DOC2B: variants seen among roughly 807,000 people sequenced by gnomAD.
DOC2B encodes double C2-like domain-containing protein beta.
DOC2B carries 21 observed loss-of-function variants against 28.9 expected under a neutral mutation model. That is an observed-to-expected ratio of 0.73 (90% confidence interval 0.52 to 1.05). The LOEUF (loss-of-function observed/expected upper bound fraction) is 1.05, where lower values mean the gene tolerates loss of function less well. Among genes scored for constraint, DOC2B ranks in the 50% least tolerant of loss-of-function variants. The probability of loss-of-function intolerance (pLI) is 0.00; values close to 1 mark genes in which losing one functional copy is unlikely to be tolerated. For synonymous variants in DOC2B, 194 were observed against 178.1 expected, an observed-to-expected ratio of 1.09 and a Z score of -0.71; for missense variants, 384 against 421.1, an observed-to-expected ratio of 0.91 and a Z score of 0.77.
At chr17:178,537 C>T (rs1481296611) in intron 1 of DOC2B, among the ~76,000 whole-genome samples, 1 of 152,228 alleles carries the variant, frequency 6.6e-6, no homozygotes, top group Non-Finnish European at 1.5e-5. Context: ...GGCAGCACGC[C>T]ACAGAGGCCA....
intron 6 of DOC2B, among the ~76,000 whole-genome samples, chr17:154,906 TTTTAGTAGAGACGGG>T (rs1555522239): frequency 6.6e-6 from 1 of 152,138 alleles, no homozygotes; most frequent in African/African-American, 2.4e-5. Context: ...ATTTTTTTAT[TTTTAGTAGAGACGGG>T]TTTCCCCATA....
At chr17:177,077 T>TAAAA (rs5818740) in intron 1 of DOC2B, among the ~76,000 whole-genome samples, 9 of 143,586 alleles carry the variant, frequency 6.3e-5, no homozygotes, top group African/African-American at 2.3e-4. Context: ...TCAAATACTT[T>TAAAA]AAAAAAAACA....
At chr17:172,895 C>G (rs976264864) in intron 1 of DOC2B, among the ~76,000 whole-genome samples, 36 of 152,242 alleles carry the variant, frequency 2.4e-4, no homozygotes, top group African/African-American at 8.4e-4. Flanking sequence ...GTGTGTGGTC[C>G]ACCTGAGCTG....
At chr17:151,214 G>A (rs1354210199) in intron 6 of DOC2B, among the ~76,000 whole-genome samples, 1 of 152,126 alleles carries the variant, frequency 6.6e-6, no homozygotes, top group African/African-American at 2.4e-5. Flanking sequence ...AGGCTGCAAT[G>A]AGCTATGATT....
intron 1 of DOC2B, among the ~76,000 whole-genome samples, chr17:180,660 G>A (rs1484493145): frequency 1.3e-5 from 2 of 151,978 alleles, no homozygotes; most frequent in South Asian, 2.1e-4. Context: ...CCCCAGCCCC[G>A]ACCCTCGGCC....
At chr17:151,753 G>A (rs1271315987) in intron 6 of DOC2B, among the ~76,000 whole-genome samples, 1 of 152,170 alleles carries the variant, frequency 6.6e-6, no homozygotes, top group Non-Finnish European at 1.5e-5. Flanking sequence ...CAAGCCCCTG[G>A]AAGGAAAGTT....
At chr17:150,434 C>A (rs1004750023) in intron 6 of DOC2B, among the ~76,000 whole-genome samples, 1 of 152,052 alleles carries the variant, frequency 6.6e-6, no homozygotes, top group Non-Finnish European at 1.5e-5. Context: ...AGTGAAGGCA[C>A]CGCCCAAAGA....
chr17:161,673 C>T (rs868514204), intron 4 of DOC2B, 132 bp from the exon 5 acceptor site: 4 of 1,441,358 alleles, frequency 2.8e-6, no homozygotes, highest in South Asian at 2.7e-5. Flanking sequence ...GGGAGACGCA[C>T]AAGATGCCTG....
At chr17:163,810 A>G in intron 3 of DOC2B, 1 of 331,188 alleles carries the variant, frequency 3.0e-6, no homozygotes, top group African/African-American at 2.0e-5. Flanking sequence ...TTTGCACCTA[A>G]TAGTAACTTC....
rs144636429 is a variant in DOC2B at position 174,885 on chromosome 17, G to A, written c.374-2269C>T. On this transcript the variant is annotated intron_variant, in intron 1 of 8. Transcript: ENST00000613549. ...TGTCATCCCAGCAGTTTGGGAGGCC[G>A]AAGCAGATGGATCACTTGAGCTCAG... Among the ~76,000 whole-genome samples, 221 of 152,324 alleles carry A rather than the reference G, an allele frequency of 1.5e-3. 1 individual carries two copies. The highest frequency in any genetic ancestry group is 5.1e-3 in the African/African-American group (211 of 41,568).
Position 181,581 on chromosome 17 carries a change from T to A in DOC2B, c.-102A>T. 2.0e-6 allele frequency: 1 copy of A among 512,762 alleles called. No individual in the cohort carries two copies. The highest frequency in any genetic ancestry group is 2.5e-6 in the Non-Finnish European group (1 of 401,574). The allele number at this position is 512,762 out of a possible 1,614,324, so 31.8% of individuals were successfully genotyped here. ...CGGGGCGCGGCGGGGGCTGCGGGCA[T>A]CGCCGGCCGCGCCCCCGGACGGCCC... is the stretch of plus-strand genomic sequence containing the variant. On this transcript the variant is annotated 5_prime_UTR_variant, in exon 1 of 9. The change abolishes an upstream ATG in the 5' untranslated region. Coordinates refer to ENST00000613549, the MANE Select transcript of DOC2B (RefSeq NM_003585.5). The surrounding 1 kb of genome is among the most constrained non-coding windows in gnomAD (Gnocchi z 7.0).
intron 2 of DOC2B, among the ~76,000 whole-genome samples, chr17:169,631 T>G (rs1447120249): frequency 6.6e-6 from 1 of 152,102 alleles, no homozygotes; most frequent in Admixed American, 6.5e-5. Flanking sequence ...ACAACAGGCA[T>G]GTAGGGCAGG....
At chr17:149,992 A>C (rs2040054831) in intron 6 of DOC2B, among the ~76,000 whole-genome samples, 1 of 152,128 alleles carries the variant, frequency 6.6e-6, no homozygotes, top group South Asian at 2.1e-4. Flanking sequence ...GAGGCCACCT[A>C]GATGTTCTTC....
chr17:175,546 G>A (rs1306458240), intron 1 of DOC2B, among the ~76,000 whole-genome samples: 7 of 152,252 alleles, frequency 4.6e-5, no homozygotes, highest in African/African-American at 7.2e-5. Context: ...TTCCCCCAAC[G>A]AATTAGCCCC....
Position 181,021 on chromosome 17 carries a change from G to T in DOC2B, c.373+86C>A. ...AGGCAGAGCGCGAGCGCGCGAGGGG[G>T]ACCGGCGGAGGGAAGCCGCGAGGCC... is the stretch of plus-strand genomic sequence containing the variant. On this transcript the variant is annotated intron_variant, in intron 1 of 8. Transcript: ENST00000613549. This position sits in a 1 kb window ranked among gnomAD's most constrained non-coding sequence, Gnocchi z 7.0. 9.0e-7 allele frequency: 1 copy of T among 1,111,638 alleles called. No individual in the cohort carries two copies. Among genetic ancestry groups the T allele is most frequent in the Non-Finnish European group, 1.1e-6 (1 of 884,322 alleles). The allele number at this position is 1,111,638 out of a possible 1,614,324, so 68.9% of individuals were successfully genotyped here.
Position 181,453 on chromosome 17 carries a change from CT to C in DOC2B, c.26del (p.Lys9ArgfsTer145), listed in dbSNP as rs1373867146. 8.8e-7 allele frequency: 1 copy of C among 1,142,384 alleles called. No individual in the cohort carries two copies. Among genetic ancestry groups the C allele is most frequent in the South Asian group, 2.3e-5 (1 of 42,714 alleles). 70.8% of individuals were successfully genotyped at this position (1,142,384 alleles called of 1,614,324 possible). On this transcript the variant is annotated frameshift_variant, in exon 1 of 9. Coordinates refer to ENST00000613549, the MANE Select transcript of DOC2B (RefSeq NM_003585.5). LOFTEE classifies it high-confidence loss of function. This position sits in a 1 kb window ranked among gnomAD's most constrained non-coding sequence, Gnocchi z 7.0. The part of the protein sequence containing the change: MTLRRRGE[K>X]ATISIQEHMA... ...TATGCTCCTGGATGCTGATGGTCGC[CT>C]TCTCCCCGCGCCGCCGGAGGGTCAT...
intron 6 of DOC2B, among the ~76,000 whole-genome samples, chr17:152,016 C>T (rs2040077688): frequency 2.0e-5 from 3 of 152,224 alleles, no homozygotes; most frequent in Admixed American, 2.0e-4. Context: ...CCTGCAAAGC[C>T]CCTGAGGCCC....
In DOC2B at chr17:181,224, G is replaced by C. The variant is rs2040439040; in HGVS notation, c.256C>G (p.Leu86Val). Residue 86 changes from leucine to valine, a missense_variant, in exon 1 of 9, where the codon CTC becomes GTC. Coordinates refer to ENST00000613549, the MANE Select transcript of DOC2B (RefSeq NM_003585.5). The surrounding 1 kb of genome is among the most constrained non-coding windows in gnomAD (Gnocchi z 7.0). Reference protein sequence around the residue: ...AREDDEDVDQLFGAYGSSPGP... With the variant: ...AREDDEDVDQVFGAYGSSPGP... ...GGGCTGGAGCCGTAGGCTCCGAAGA[G>C]CTGGTCCACATCCTCGTCGTCCTCG... The C allele has an allele frequency of 2.5e-6, 3 of 1,221,180 alleles. No individual in the cohort carries two copies. The Admixed American group carries it at 1.3e-4, about 53-fold the overall frequency. 75.6% of individuals were successfully genotyped at this position (1,221,180 alleles called of 1,614,324 possible).
chr17:161,523 CT>C lies in DOC2B; in HGVS notation c.656del (p.Glu219GlyfsTer17). 6.4e-7 allele frequency: 1 copy of C among 1,551,724 alleles called. No homozygotes were observed. The highest frequency in any genetic ancestry group is 1.2e-5 in the South Asian group (1 of 84,064). Reference sequence around the variant, plus strand: ...TGAACTCATTGTGCCGGAATTTGTCCTCGTCACACACAGAGATCCTAGAGGG... The same window carrying C: ...TGAACTCATTGTGCCGGAATTTGTCCCGTCACACACAGAGATCCTAGAGGG... ...RKTLRISVCD[E>X]DKFRHNEFIG... On this transcript the variant is annotated frameshift_variant, in exon 5 of 9. Transcript: ENST00000613549. LOFTEE classifies it high-confidence loss of function.
Sources: gnomAD v4.1 joint callset for allele counts (sites outside exome capture counted in the v4.1 genomes callset) on GRCh38, gnomAD v4.1.1 for gene constraint, Gnocchi (gnomAD v3.1) non-coding constraint, MANE v1.5 for transcripts, NCBI Gene and HGNC (gene_info 2026-07-23, HGNC 2026-07-21) for gene names.